The following TENM1 variants were observed in gnomAD, a reference collection of about 807,000 sequenced individuals.
TENM1 encodes the protein teneurin transmembrane protein 1.
A neutral mutation model predicts 174.8 loss-of-function variants in TENM1; 35 were observed. The ratio of observed to expected loss-of-function variants is 0.20; its 90% CI spans 0.15 to 0.27. TENM1 has a LOEUF of 0.27. TENM1 is among the 10% of genes least tolerant of loss of function. The pLI is 1.00. For missense variants in TENM1, 1,633 were observed against 2,130.1 expected (o/e 0.77, Z 4.59); for synonymous variants, 781 against 798.7 (o/e 0.98, Z 0.37).
the TENM1 span, among the ~76,000 whole-genome samples, chrX:125,201,881 G>A: frequency 3.6e-4 from 40 of 111,385 alleles, no homozygotes; most frequent in African/African-American, 1.1e-3. Flanking sequence ...GGCAAAATTG[G>A]GATTCTGTTT....
intron 19 of TENM1, among the ~76,000 whole-genome samples, chrX:124,497,896 C>A (rs868036100): frequency 9.0e-6 from 1 of 111,673 alleles, no homozygotes; most frequent in African/African-American, 3.3e-5. Flanking sequence ...GCTTTGCAGA[C>A]ATTCTGTGTG....
At chrX:124,965,314 C>T (rs948688544), upstream of TENM1, among the ~76,000 whole-genome samples, 9 of 111,630 alleles carry the variant, frequency 8.1e-5, no homozygotes, top group Admixed American at 4.8e-4. Flanking sequence ...CTCCTCACCT[C>T]GTGATCCACC....
the TENM1 span, among the ~76,000 whole-genome samples, chrX:125,188,945 A>T: frequency 2.7e-5 from 3 of 112,518 alleles, no homozygotes; most frequent in African/African-American, 9.7e-5. Flanking sequence ...CCAGACTACA[A>T]AAAATATTTC....
intron 5 of TENM1, among the ~76,000 whole-genome samples, chrX:124,678,917 T>C (rs1406125724): frequency 3.6e-5 from 4 of 111,532 alleles, no homozygotes; most frequent in Non-Finnish European, 7.6e-5. Context: ...CTCTTACAGG[T>C]AATTTTTGAA....
chrX:124,881,701 T>TTTG (rs745628080), intron 3 of TENM1, among the ~76,000 whole-genome samples: 213 of 109,670 alleles, frequency 1.9e-3, no homozygotes, highest in African/African-American at 5.7e-3. Flanking sequence ...TCCCATAGTT[T>TTTG]TTGTTGTTGT....
chrX:124,564,981 G>T (rs1212310298), intron 12 of TENM1, among the ~76,000 whole-genome samples: 6 of 111,420 alleles, frequency 5.4e-5, no homozygotes, highest in East Asian at 2.8e-4. Context: ...TAATGAAATT[G>T]CCTCTAAGTG....
At chrX:124,565,754 T>C (rs756504178) in intron 11 of TENM1, among the ~76,000 whole-genome samples, 194 bp from the exon 15 acceptor site, 2 of 111,636 alleles carry the variant, frequency 1.8e-5, no homozygotes, top group East Asian at 5.6e-4. Context: ...TCCTCCCATC[T>C]TGGCTTCCCA....
At chrX:124,601,741 A>G (rs952590797) in intron 11 of TENM1, among the ~76,000 whole-genome samples, 1 of 110,094 alleles carries the variant, frequency 9.1e-6, no homozygotes, top group Non-Finnish European at 1.9e-5. Flanking sequence ...CTGCTTGTAT[A>G]GGTAGGGGCA....
At chrX:125,111,188 T>C in the TENM1 span, among the ~76,000 whole-genome samples, 2 of 112,217 alleles carry the variant, frequency 1.8e-5, no homozygotes, top group South Asian at 7.4e-4. Context: ...ACTGTTTCTA[T>C]GAGAAAATGC....
At chrX:124,456,812 C>T (rs1295162413) in intron 22 of TENM1, among the ~76,000 whole-genome samples, 1 of 111,531 alleles carries the variant, frequency 9.0e-6, no homozygotes, top group Non-Finnish European at 1.9e-5. Context: ...ATTGCTGTGC[C>T]CAGATCTCCA....
chrX:125,038,238 T>C, the TENM1 span, among the ~76,000 whole-genome samples: 9 of 110,930 alleles, frequency 8.1e-5, no homozygotes, highest in East Asian at 8.6e-4. Context: ...TTTAGCCTTT[T>C]TTTTGTTTTG....
intron 4 of TENM1, among the ~76,000 whole-genome samples, chrX:124,714,659 CT>C (rs1241100462): frequency 9.0e-6 from 1 of 111,192 alleles, no homozygotes; most frequent in Non-Finnish European, 1.9e-5. Flanking sequence ...CTGTACTGGA[CT>C]TTCCCATGTC....
At chrX:124,790,131 T>C (rs1181900100) in intron 3 of TENM1, among the ~76,000 whole-genome samples, 4 of 111,487 alleles carry the variant, frequency 3.6e-5, no homozygotes, top group African/African-American at 1.3e-4. Flanking sequence ...TCAGATCTCA[T>C]GAGACCCATG....
At chrX:125,150,818 GC>G in the TENM1 span, among the ~76,000 whole-genome samples, 2 of 112,324 alleles carry the variant, frequency 1.8e-5, no homozygotes, top group Non-Finnish European at 3.8e-5. Context: ...ATAATTTCTG[GC>G]AAAATTTGAG....
At chrX:124,843,116 G>A (rs1224079345) in intron 3 of TENM1, among the ~76,000 whole-genome samples, 1 of 111,126 alleles carries the variant, frequency 9.0e-6, no homozygotes, top group African/African-American at 3.3e-5. Context: ...TGCCTTGTCC[G>A]AGCTTGAATG....
the TENM1 span, among the ~76,000 whole-genome samples, chrX:125,141,470 C>T: frequency 1.8e-5 from 2 of 111,566 alleles, no homozygotes; most frequent in Non-Finnish European, 3.8e-5. Context: ...CTGTGAGGTA[C>T]CTCTATATTC....
At chrX:125,162,615 T>G in the TENM1 span, among the ~76,000 whole-genome samples, 2 of 112,060 alleles carry the variant, frequency 1.8e-5, no homozygotes, top group African/African-American at 3.2e-5. Flanking sequence ...TCTAACATTT[T>G]CATTGGCTAC....
intron 3 of TENM1, among the ~76,000 whole-genome samples, chrX:124,830,710 T>A (rs2056270103): frequency 9.0e-6 from 1 of 111,570 alleles, no homozygotes. Flanking sequence ...AACTCATTTG[T>A]TCCCAAATTA....
At chrX:124,692,194 C>A (rs1051725549) in intron 5 of TENM1, among the ~76,000 whole-genome samples, 1 of 111,362 alleles carries the variant, frequency 9.0e-6, no homozygotes, top group Non-Finnish European at 1.9e-5. Flanking sequence ...TGGGATCTAT[C>A]TTGACTAAAT....
Sources: gnomAD v4.1 joint callset for allele counts (sites outside exome capture counted in the v4.1 genomes callset) on GRCh38, gnomAD v4.1.1 for gene constraint, MANE v1.5 for transcripts, NCBI Gene and HGNC (gene_info 2026-07-23, HGNC 2026-07-21) for gene names.